The following ACADM variants were observed in gnomAD, a reference collection of about 807,000 sequenced individuals.
The protein encoded by ACADM is acyl-CoA dehydrogenase medium chain.
ACADM carries 49 observed loss-of-function variants against 58.9 expected under a neutral mutation model. That is an observed-to-expected ratio of 0.83 (90% CI 0.66 to 1.06). The LOEUF is 1.06. Ranked by LOEUF, ACADM falls within the 50% of genes least tolerant of loss-of-function variation. ACADM has a pLI of 0.00. For synonymous variants in ACADM, 160 were observed against 157.7 expected (o/e 1.01, Z -0.11); for missense variants, 496 against 507.0 (o/e 0.98, Z 0.21).
chr1:75,733,722 A>G, intron 5 of ACADM, 94 bp downstream of exon 5: 2 of 1,044,482 alleles, frequency 1.9e-6, no homozygotes, highest in Non-Finnish European at 1.5e-6. Context: ...AAAAAAAAGG[A>G]AAGTCAGTTA....
chr1:75,735,022 A>G, intron 6 of ACADM, 151 bp downstream of exon 6: 1 of 707,344 alleles, frequency 1.4e-6, no homozygotes, highest in Middle Eastern at 2.7e-4. Flanking sequence ...AAGGATGCCA[A>G]GAAAGTATCA....
In ACADM at chr1:75,733,225, T is replaced by A; in HGVS notation, c.286+303T>A. Reference sequence around the variant, plus strand: ...TCTATATTACATTTTATTGAGTCTTTTTTGTGAACCATGATTCTTTTCCTC... The same window carrying A: ...TCTATATTACATTTTATTGAGTCTTATTTGTGAACCATGATTCTTTTCCTC... On this transcript the variant is annotated intron_variant, in intron 4 of 11. Coordinates refer to ENST00000370841, the MANE Select transcript of ACADM (RefSeq NM_000016.6). The A allele has an allele frequency of 5.1e-6, 8 of 1,559,152 alleles. 1 individual carries two copies. The South Asian group carries it at 7.1e-5, about 14-fold the overall frequency.
In ACADM at chr1:75,755,813, C is replaced by T. The variant is rs138503585; in HGVS notation, c.945+5267C>T. Among the ~76,000 whole-genome samples the T allele has an allele frequency of 8.5e-4, 130 of 152,196 alleles. 1 individual carries two copies. The highest frequency in any genetic ancestry group is 3.0e-3 in the African/African-American group (123 of 41,532). On this transcript the variant is annotated intron_variant, in intron 10 of 11. Coordinates refer to ENST00000370841, the MANE Select transcript of ACADM (RefSeq NM_000016.6). ...GATGATTGGTAATAACAAACTTCTC[C>T]GAGCTAAAGGAGGATACTGGCAAAC...
intron 5 of ACADM, 36 bp downstream of exon 5, chr1:75,733,664 T>A: frequency 6.7e-7 from 1 of 1,489,888 alleles, no homozygotes; most frequent in Non-Finnish European, 9.4e-7. Context: ...CTAACTCAGC[T>A]CTTGTTAATG....
chr1:75,738,370 G>A (rs943960698), intron 6 of ACADM, among the ~76,000 whole-genome samples: 11 of 151,896 alleles, frequency 7.2e-5, no homozygotes, highest in African/African-American at 2.2e-4. Flanking sequence ...ACAGGCGCCC[G>A]CCACCAAGCC....
chr1:75,753,237 C>T (rs966775221), intron 10 of ACADM, among the ~76,000 whole-genome samples: 2 of 152,020 alleles, frequency 1.3e-5, no homozygotes, highest in African/African-American at 4.8e-5. Context: ...AGTTTTAGCC[C>T]CTTAGATTGT....
At chr1:75,725,596 A>T (rs1315704368) in intron 1 of ACADM, among the ~76,000 whole-genome samples, 1 of 152,206 alleles carries the variant, frequency 6.6e-6, no homozygotes, top group Non-Finnish European at 1.5e-5. Context: ...GATCTAAAAA[A>T]AACCTGATAT....
rs12035626 is a variant in ACADM, at chr1:75,749,064, C to T, written c.709-355C>T. Among the ~76,000 whole-genome samples the T allele has an allele frequency of 2.3e-4, 35 of 152,222 alleles. No individual in the cohort carries two copies. In the East Asian group the frequency reaches 6.2e-3, roughly 27 times the overall value. On this transcript the variant is annotated intron_variant, in intron 8 of 11. Coordinates refer to ENST00000370841, the MANE Select transcript of ACADM (RefSeq NM_000016.6). ...GATTTGTCTTTGTTGATAAGATGTA[C>T]TTGTAGACCTTTAGACTAGTGTTGG...
intron 8 of ACADM, among the ~76,000 whole-genome samples, chr1:75,748,828 T>G (rs1357372999): frequency 6.6e-6 from 1 of 152,206 alleles, no homozygotes; most frequent in Non-Finnish European, 1.5e-5. Context: ...TCAGAGCTAT[T>G]AGAAATGTAT....
rs115016283 is a variant in ACADM at position 75,739,195 on chromosome 1, C to T, written c.469-785C>T. 7.0e-3 allele frequency among the ~76,000 whole-genome samples: 1,062 copies of T among 152,258 alleles called. 8 individuals carry two copies. The highest frequency in any genetic ancestry group is 0.024 in the Middle Eastern group (7 of 294). ...AAAGAAGCCATTTTCCTTTTTGAGA[C>T]TTAATTTAAACATCCTCTGCCCTGG... On this transcript the variant is annotated intron_variant, in intron 6 of 11. Transcript: ENST00000370841.
chr1:75,739,365 A>G (rs12759535), intron 6 of ACADM, among the ~76,000 whole-genome samples: 5,982 of 152,344 alleles, frequency 0.039, 141 homozygotes, highest in Middle Eastern at 0.054. Flanking sequence ...ACATCGTGGT[A>G]CATAGTAGAT....
At chr1:75,724,924 G>T in intron 1 of ACADM, 107 bp downstream of exon 1, 1 of 1,218,978 alleles carries the variant, frequency 8.2e-7, no homozygotes, top group Non-Finnish European at 1.1e-6. Flanking sequence ...GTGGGAAGTC[G>T]GGCTGAGGAA....
At chr1:75,731,018 G>C (rs2100356471) in intron 2 of ACADM, among the ~76,000 whole-genome samples, 1 of 152,192 alleles carries the variant, frequency 6.6e-6, no homozygotes, top group African/African-American at 2.4e-5. Flanking sequence ...TGGGCGCAGT[G>C]GCTCGGGCCT....
intron 10 of ACADM, among the ~76,000 whole-genome samples, chr1:75,760,904 G>A (rs765158984): frequency 2.6e-5 from 4 of 152,024 alleles, no homozygotes; most frequent in Non-Finnish European, 5.9e-5. Context: ...ATTCGTTAAT[G>A]AAAAGTTTAA....
At chr1:75,759,342 C>T (rs961987550) in intron 10 of ACADM, among the ~76,000 whole-genome samples, 1 of 152,228 alleles carries the variant, frequency 6.6e-6, no homozygotes, top group South Asian at 2.1e-4. Flanking sequence ...AACTCCCAAC[C>T]CTCTAATCCT....
chr1:75,734,564 T>C, intron 5 of ACADM: 1 of 505,626 alleles, frequency 2.0e-6, no homozygotes, highest in South Asian at 2.1e-5. Flanking sequence ...TAGTAGATTT[T>C]CACAGATTAT....
rs1396422233 is a variant in ACADM at position 75,754,205 on chromosome 1, T to G, written c.945+3659T>G. On this transcript the variant is annotated intron_variant, in intron 10 of 11. Transcript: ENST00000370841. ...TTGTGTGCCCTTTGAAACTTCAGTT[T>G]TTTGTTTTTTTTTTTTTTTTGAGAC... Among the ~76,000 whole-genome samples, 5 of 150,830 alleles carry G rather than the reference T, an allele frequency of 3.3e-5. No homozygotes were observed. In the East Asian group the frequency reaches 9.8e-4, roughly 29 times the overall value.
At chr1:75,757,516 A>G (rs894025144) in intron 10 of ACADM, among the ~76,000 whole-genome samples, 1 of 152,246 alleles carries the variant, frequency 6.6e-6, no homozygotes, top group African/African-American at 2.4e-5. Context: ...ATACCATCTC[A>G]TATCATTTAG....
intron 1 of ACADM, among the ~76,000 whole-genome samples, chr1:75,725,168 A>C (rs1174602907): frequency 6.6e-6 from 1 of 152,100 alleles, no homozygotes; most frequent in Non-Finnish European, 1.5e-5. Context: ...AAAAAGAAAA[A>C]TGGAGCAGCT....
Sources: gnomAD v4.1 joint callset for allele counts (sites outside exome capture counted in the v4.1 genomes callset) on GRCh38, gnomAD v4.1.1 for gene constraint, MANE v1.5 for transcripts, NCBI Gene and HGNC (gene_info 2026-07-23, HGNC 2026-07-21) for gene names.